The following IQCE variants were observed in gnomAD, a reference collection of about 807,000 sequenced individuals.
The protein encoded by IQCE is IQ motif containing E.
In IQCE, 115 loss-of-function variants were observed where a neutral mutation model predicts 96.0. That is an observed-to-expected ratio of 1.20 (90% CI 1.03 to 1.40). IQCE has a LOEUF of 1.40. Among genes scored for constraint, IQCE ranks in the 40% most tolerant of loss-of-function variants. The pLI is 0.00. For synonymous variants in IQCE, 412 were observed against 371.2 expected, an observed-to-expected ratio of 1.11 and a Z score of -1.26; for missense variants, 1,041 against 909.1, an observed-to-expected ratio of 1.15 and a Z score of -1.87.
intron 1 of IQCE, among the ~76,000 whole-genome samples, chr7:2,566,292 C>CTTTTTTTTTTT (rs57683972): frequency 7.3e-6 from 1 of 137,646 alleles, no homozygotes; most frequent in Non-Finnish European, 1.6e-5. Context: ...AAAAAGCTTC[C>CTTTTTTTTTTT]TTTTTTTTTT....
rs1785109732 is a variant in IQCE, at chr7:2,611,656, T to G, written c.*1494T>G. 1 of 148,040 alleles carries G rather than the reference T, an allele frequency of 6.8e-6. No homozygotes were observed. Among genetic ancestry groups the G allele is most frequent in the Non-Finnish European group, 1.5e-5 (1 of 66,774 alleles). 9.2% of individuals were successfully genotyped at this position (148,040 alleles called of 1,614,324 possible). On this transcript the variant is annotated 3_prime_UTR_variant, in exon 22 of 22. Coordinates refer to ENST00000402050, the MANE Select transcript of IQCE (RefSeq NM_152558.5). The stretch of plus-strand genomic sequence containing the variant: ...GGACACAGGTGTCCCCAGCCCAGCC[T>G]GTTCTCTCCCAGTCACTCAGGGATG...
chr7:2,581,711 CTT>C (rs1554308080), intron 8 of IQCE, among the ~76,000 whole-genome samples: 17 of 140,168 alleles, frequency 1.2e-4, no homozygotes, highest in Non-Finnish European at 9.3e-5. Flanking sequence ...AAAGAATGTT[CTT>C]TTTTTTTTTT....
chr7:2,605,798 G>A, intron 19 of IQCE, 78 bp from the exon 20 acceptor site: 1 of 1,372,996 alleles, frequency 7.3e-7, no homozygotes, highest in Non-Finnish European at 9.5e-7. Context: ...TGACGCCCAG[G>A]GTGCCCTGGG....
intron 8 of IQCE, among the ~76,000 whole-genome samples, chr7:2,579,341 A>G (rs1782471375): frequency 6.6e-6 from 1 of 152,324 alleles, no homozygotes; most frequent in South Asian, 2.1e-4. Context: ...AACATTAATG[A>G]TGTGATTAAT....
chr7:2,598,789 C>A, intron 17 of IQCE, 157 bp downstream of exon 17: 1 of 533,508 alleles, frequency 1.9e-6, no homozygotes, highest in Non-Finnish European at 3.0e-6. Flanking sequence ...CATTCACACG[C>A]TGACACCTCC....
Position 2,588,654 on chromosome 7 carries a change from G to GTTTTT in IQCE, c.1044+801_1044+805dup, listed in dbSNP as rs370704456. Among the ~76,000 whole-genome samples the GTTTTT allele has an allele frequency of 7.4e-4, 37 of 49,758 alleles. 6 individuals carry two copies. The highest frequency in any genetic ancestry group is 2.5e-3 in the African/African-American group (29 of 11,450). The allele number at this position is 49,758 out of a possible 152,430, so 32.6% of individuals were successfully genotyped here. A position where few individuals can be genotyped will look rare whatever the true frequency, so the allele number is the denominator to read the frequency against. ...AGACGTGAGCCACTGTGCCTGGCTG[G>GTTTTT]TTTTTTTTTTTTTTTTTTTTTTTTT... On this transcript the variant is annotated intron_variant, in intron 13 of 21. Transcript: ENST00000402050.
intron 8 of IQCE, among the ~76,000 whole-genome samples, chr7:2,580,485 G>A (rs909643497): frequency 6.6e-6 from 1 of 152,060 alleles, no homozygotes; most frequent in Non-Finnish European, 1.5e-5. Flanking sequence ...GATGGCGCGT[G>A]CCTGTAATCC....
intron 17 of IQCE, among the ~76,000 whole-genome samples, chr7:2,599,746 C>T (rs561603917): frequency 1.5e-4 from 23 of 152,074 alleles, no homozygotes; most frequent in African/African-American, 3.1e-4. Context: ...CTCCGCCTCC[C>T]GGAGTGCTGG....
chr7:2,587,278 TG>T (rs1783198739), intron 12 of IQCE, among the ~76,000 whole-genome samples: 1 of 150,206 alleles, frequency 6.7e-6, no homozygotes, highest in Non-Finnish European at 1.5e-5. Context: ...AGGCAGTGGC[TG>T]TGTGGGGGTG....
chr7:2,578,048 T>G (rs563495163), intron 6 of IQCE, among the ~76,000 whole-genome samples, 194 bp from the exon 7 acceptor site: 12 of 123,528 alleles, frequency 9.7e-5, no homozygotes, highest in East Asian at 4.9e-4. Context: ...CGTGTGCGCA[T>G]TGGCGTGTGC....
rs367734719 is a variant in IQCE at position 2,578,314 on chromosome 7, A to C, written c.538A>C (p.Arg180=). ...KLRRLEEENS[R]KDRQIEQLLD... is the part of the protein sequence containing the mutation. ...CCGGCGCCTGGAGGAGGAAAACAGC[A>C]GGAAGGACCGGCAGATAGAGCAGCT... is the stretch of plus-strand genomic sequence containing the variant. Residue 180 remains arginine (R), a synonymous_variant, in exon 7 of 22, where the codon AGG becomes CGG. Coordinates refer to ENST00000402050, the MANE Select transcript of IQCE (RefSeq NM_152558.5). 2.0e-4 allele frequency: 326 copies of C among 1,614,070 alleles called. No homozygotes were observed. Among genetic ancestry groups the C allele is most frequent in the Non-Finnish European group, 2.5e-4 (297 of 1,180,018 alleles).
rs1784965444 is a variant in IQCE at position 2,608,277 on chromosome 7, G to A, written c.1969+1050G>A. Among the ~76,000 whole-genome samples the A allele has an allele frequency of 3.9e-5, 6 of 152,324 alleles. No homozygotes were observed. The South Asian group carries it at 1.2e-3, about 32-fold the overall frequency. On this transcript the variant is annotated intron_variant, in intron 21 of 21. Transcript: ENST00000402050. ...CCCTCCTGTGCTGACGCGGAGTCAC[G>A]GAGTTGGGAAGAGGCCGTTTTGAGG...
Position 2,598,627 on chromosome 7 carries a change from C to A in IQCE, c.1603C>A (p.His535Asn). The A allele has an allele frequency of 6.5e-7, 1 of 1,550,368 alleles. No homozygotes were observed. Among genetic ancestry groups the A allele is most frequent in the South Asian group, 1.2e-5 (1 of 82,966 alleles). Reference sequence around the variant, plus strand: ...GCAGGCCCAGTGGAAGGTGTACAAGCACAAGGTGAGGCTCCCCGGGGCGAC... The same window carrying A: ...GCAGGCCCAGTGGAAGGTGTACAAGAACAAGGTGAGGCTCCCCGGGGCGAC... ...VLQAQWKVYK[H>N]KKKKAVLDEA... The change falls in exon 17 of 22, where the codon CAC becomes AAC. Residue 535 changes from histidine (H) to asparagine (N), a missense_variant. Physicochemically the swap from His to Asn is moderately conservative, Grantham distance 68 (BLOSUM62 1). Transcript: ENST00000402050.
At chr7:2,581,711 CTTT>C (rs1554308080) in intron 8 of IQCE, among the ~76,000 whole-genome samples, 10 of 140,188 alleles carry the variant, frequency 7.1e-5, no homozygotes, top group Admixed American at 7.0e-5. Flanking sequence ...AAAGAATGTT[CTTT>C]TTTTTTTTTT....
chr7:2,610,033 C>G lies in IQCE; in HGVS notation c.1970-11C>G, dbSNP rs1253631593. 6.8e-7 allele frequency: 1 copy of G among 1,477,860 alleles called. No individual in the cohort carries two copies. The highest frequency in any genetic ancestry group is 9.5e-7 in the Non-Finnish European group (1 of 1,055,700). 91.5% of individuals were successfully genotyped at this position (1,477,860 alleles called of 1,614,324 possible). A position where few individuals can be genotyped will look rare whatever the true frequency, so the allele number is the denominator to read the frequency against. On this transcript the variant is annotated splice_polypyrimidine_tract_variant and intron_variant, in intron 21 of 21. Transcript: ENST00000402050. Reference sequence around the variant, plus strand: ...GTGGCTGACCCCTCTCCCTGTGGTTCATTTCTGCAGACCCCTCTCCCTCAG... The same window carrying G: ...GTGGCTGACCCCTCTCCCTGTGGTTGATTTCTGCAGACCCCTCTCCCTCAG...
chr7:2,586,912 T>G (rs1034346649), intron 12 of IQCE, among the ~76,000 whole-genome samples: 3 of 149,924 alleles, frequency 2.0e-5, no homozygotes, highest in African/African-American at 7.4e-5. Context: ...GCTGTGGGAG[T>G]GTTAGGCAGA....
In IQCE at chr7:2,594,872, C is replaced by T; in HGVS notation, c.1350-14C>T. 1.3e-6 allele frequency: 2 copies of T among 1,594,790 alleles called. No homozygotes were observed. Among genetic ancestry groups the T allele is most frequent in the Non-Finnish European group, 1.7e-6 (2 of 1,162,416 alleles). On this transcript the variant is annotated splice_polypyrimidine_tract_variant and intron_variant, in intron 15 of 21. Transcript: ENST00000402050. ...GACAGGTGAGGTGTCTCATCTTTTC[C>T]CTTTCCGCCTTAGAGAGGAGATTCA...
rs901856571 is a variant in IQCE, at chr7:2,578,410, C to T, written c.579+55C>T. Reference sequence around the variant, plus strand: ...AAGGGGAGGGTCCTCGGGGCAGCATCTGCCAGCCAGCCCTGCTGGGGGCTA... The same window carrying T: ...AAGGGGAGGGTCCTCGGGGCAGCATTTGCCAGCCAGCCCTGCTGGGGGCTA... On this transcript the variant is annotated intron_variant, in intron 7 of 21. Transcript: ENST00000402050. 6 of 1,608,896 alleles carry T rather than the reference C, an allele frequency of 3.7e-6. No homozygotes were observed. In the Admixed American group the frequency reaches 8.4e-5, roughly 22 times the overall value.
At chr7:2,592,209 C>G (rs1783655257) in intron 14 of IQCE, among the ~76,000 whole-genome samples, 1 of 152,228 alleles carries the variant, frequency 6.6e-6, no homozygotes, top group African/African-American at 2.4e-5. Context: ...CTGTCCTTAC[C>G]CCTCACGTGA....
Sources: allele counts gnomAD v4.1 joint callset (sites outside exome capture counted in the v4.1 genomes callset), GRCh38; gene constraint gnomAD v4.1.1; transcripts MANE v1.5; gene names NCBI Gene and HGNC (gene_info 2026-07-23, HGNC 2026-07-21).